The following SMAD2 variants were observed in gnomAD, a reference collection of about 807,000 sequenced individuals.
The protein encoded by SMAD2 is SMAD family member 2.
In SMAD2, 8 loss-of-function variants were observed where a neutral mutation model predicts 64.4. The observed-to-expected ratio is 0.12, with a 90% CI of 0.07 to 0.22. The LOEUF (loss-of-function observed/expected upper bound fraction) is 0.22, where lower values mean the gene tolerates loss of function less well. SMAD2 is among the 10% of genes least tolerant of loss of function. SMAD2 has a pLI of 1.00. For missense variants in SMAD2, 289 were observed against 561.2 expected, an observed-to-expected ratio of 0.51 and a Z score of 4.90; for synonymous variants, 203 against 195.8, an observed-to-expected ratio of 1.04 and a Z score of -0.31.
chr18:47,874,734 G>A (rs1657649639), intron 2 of SMAD2, among the ~76,000 whole-genome samples: 1 of 152,098 alleles, frequency 6.6e-6, no homozygotes, highest in South Asian at 2.1e-4. Flanking sequence ...ACTAATATAT[G>A]CATAAAGACA....
Position 47,896,586 on chromosome 18 carries a change from T to C in SMAD2, c.171A>G (p.Arg57=). 2 of 1,614,174 alleles carry C rather than the reference T, an allele frequency of 1.2e-6. No homozygotes were observed. Among genetic ancestry groups the C allele is most frequent in the Non-Finnish European group, 1.7e-6 (2 of 1,180,024 alleles). ...SLVKKLKKTG[R]LDELEKAITT... is the part of the protein sequence containing the mutation. The stretch of plus-strand genomic sequence containing the variant: ...TGATGGCTTTCTCAAGCTCATCTAA[T>C]CGTCCTGTTTTCTTTAGCTTCTTCA... The change falls in exon 2 of 11, where the codon CGA becomes CGG. Residue 57 remains arginine (R), a synonymous_variant. Coordinates refer to ENST00000262160, the MANE Select transcript of SMAD2 (RefSeq NM_005901.6).
In SMAD2 at chr18:47,832,665, T is replaced by C. The variant is rs1598728030; in HGVS notation, c.*9162A>G. ...TTCATACTGATTATATGAGATTATA[T>C]CTTATCTAGTATTTTTCAATGGAGC... is the stretch of plus-strand genomic sequence containing the variant. On this transcript the variant is annotated 3_prime_UTR_variant, in exon 11 of 11. Transcript: ENST00000262160. The C allele has an allele frequency of 6.6e-6, 1 of 152,146 alleles. No individual in the cohort carries two copies. Among genetic ancestry groups the C allele is most frequent in the East Asian group, 1.9e-4 (1 of 5,194 alleles). The allele number at this position is 152,146 out of a possible 1,614,324, so 9.4% of individuals were successfully genotyped here.
At chr18:47,869,551 TTTAG>T (rs1278174524) in intron 3 of SMAD2, 115 bp from the exon 4 acceptor site, 8 of 732,388 alleles carry the variant, frequency 1.1e-5, no homozygotes, top group Admixed American at 5.1e-5. Flanking sequence ...ATGACAGCCA[TTTAG>T]TTAGTTTTAG....
At position 47,815,485 on chromosome 18, in the gene SMAD2, C is replaced by T. The variant is rs1204601159; in HGVS notation, c.*26342G>A. On this transcript the variant is annotated 3_prime_UTR_variant, in exon 11 of 11. Transcript: ENST00000262160. ...TCTGAAAATGCAGATCCCAGTGCTC[C>T]AATTCCAGACCTGCTAAAGCAGAAT... The T allele has an allele frequency of 1.3e-5, 2 of 152,202 alleles. No homozygotes were observed. The highest frequency in any genetic ancestry group is 2.9e-5 in the Non-Finnish European group (2 of 68,040). 9.4% of individuals were successfully genotyped at this position (152,202 alleles called of 1,614,324 possible).
chr18:47,891,922 G>A lies in SMAD2; in HGVS notation c.236+4599C>T, dbSNP rs184821733. Among the ~76,000 whole-genome samples, 94 of 151,878 alleles carry A rather than the reference G, an allele frequency of 6.2e-4. 1 individual carries two copies. In the Middle Eastern group the frequency reaches 0.021, roughly 33 times the overall value. ...TATAAATACTAGAAAAAAAAATACA[G>A]GACTTTTCTGGGTCACCCATACTCA... is the stretch of plus-strand genomic sequence containing the variant. On this transcript the variant is annotated intron_variant, in intron 2 of 10. Coordinates refer to ENST00000262160, the MANE Select transcript of SMAD2 (RefSeq NM_005901.6).
intron 2 of SMAD2, among the ~76,000 whole-genome samples, chr18:47,882,040 G>GGTTTTTTTTTTTTT (rs1568078973): frequency 2.7e-5 from 1 of 37,326 alleles, no homozygotes; most frequent in South Asian, 1.1e-3. Context: ...ACCACGCTTG[G>GGTTTTTTTTTTTTT]CTTTTTTTTT....
At position 47,812,738 on chromosome 18, in the gene SMAD2, T is replaced by C. The variant is rs1052570502; in HGVS notation, c.*29089A>G. Reference sequence around the variant, plus strand: ...TGGTAATCAAATCTAAAGCACATTTTATAGCACACACACTCGCTATTCCAA... The same window carrying C: ...TGGTAATCAAATCTAAAGCACATTTCATAGCACACACACTCGCTATTCCAA... On this transcript the variant is annotated 3_prime_UTR_variant, in exon 11 of 11. Coordinates refer to ENST00000262160, the MANE Select transcript of SMAD2 (RefSeq NM_005901.6). The C allele has an allele frequency of 2.0e-5, 3 of 152,154 alleles. No individual in the cohort carries two copies. Among genetic ancestry groups the C allele is most frequent in the African/African-American group, 7.2e-5 (3 of 41,420 alleles). The allele number at this position is 152,154 out of a possible 1,614,324, so 9.4% of individuals were successfully genotyped here.
At position 47,850,666 on chromosome 18, in the gene SMAD2, TA is replaced by T. The variant is rs1213115389; in HGVS notation, c.784+607del. ...ATTATGTATAATATATATTATATAC[TA>T]TATATATATTATATATATAATGTAT... On this transcript the variant is annotated intron_variant, in intron 7 of 10. Coordinates refer to ENST00000262160, the MANE Select transcript of SMAD2 (RefSeq NM_005901.6). 1.2e-3 allele frequency among the ~76,000 whole-genome samples: 18 copies of T among 15,448 alleles called. 1 individual carries two copies. Among genetic ancestry groups the T allele is most frequent in the African/African-American group, 2.8e-3 (9 of 3,174 alleles). The allele number at this position is 15,448 out of a possible 152,430, so 10.1% of individuals were successfully genotyped here.
intron 2 of SMAD2, among the ~76,000 whole-genome samples, chr18:47,896,027 G>A (rs544817965): frequency 1.3e-5 from 2 of 152,296 alleles, no homozygotes; most frequent in African/African-American, 2.4e-5. Flanking sequence ...TAAGAGGCAG[G>A]TCTTTAAGAC....
Position 47,810,331 on chromosome 18 carries a change from C to G in SMAD2, c.*31496G>C, listed in dbSNP as rs1912162537. ...CACCTCTTCCCTACCACTTACCTCT[C>G]TCCCTCCTCCCACTGCACACTCACC... is the stretch of plus-strand genomic sequence containing the variant. On this transcript the variant is annotated 3_prime_UTR_variant, in exon 11 of 11. Transcript: ENST00000262160. 1 of 152,742 alleles carries G rather than the reference C, an allele frequency of 6.5e-6. No individual in the cohort carries two copies. Among genetic ancestry groups the G allele is most frequent in the African/African-American group, 2.4e-5 (1 of 41,416 alleles). The allele number at this position is 152,742 out of a possible 1,614,324, so 9.5% of individuals were successfully genotyped here.
At chr18:47,915,929 C>G (rs976709432) in intron 1 of SMAD2, among the ~76,000 whole-genome samples, 6 of 152,114 alleles carry the variant, frequency 3.9e-5, no homozygotes, top group Non-Finnish European at 7.4e-5. Context: ...TTTTAACACC[C>G]TTTTGAAAGT....
chr18:47,850,066 C>T lies in SMAD2; in HGVS notation c.784+1208G>A, dbSNP rs1321996712. On this transcript the variant is annotated intron_variant, in intron 7 of 10. Transcript: ENST00000262160. ...GTTTTTACTGTCGTATTGTTATTTT[C>T]ATTTTTTCCCGATTATTTTCAATCT... Among the ~76,000 whole-genome samples the T allele has an allele frequency of 2.0e-5, 3 of 146,668 alleles. No homozygotes were observed. In the Admixed American group the frequency reaches 2.1e-4, roughly 10 times the overall value.
intron 1 of SMAD2, among the ~76,000 whole-genome samples, chr18:47,925,241 T>C (rs2034718189): frequency 6.6e-6 from 1 of 152,248 alleles, no homozygotes; most frequent in South Asian, 2.1e-4. Flanking sequence ...CTACCTAGGA[T>C]AATTAGTGAC....
chr18:47,891,376 T>G lies in SMAD2; in HGVS notation c.236+5145A>C, dbSNP rs925801652. Among the ~76,000 whole-genome samples, 5 of 152,108 alleles carry G rather than the reference T, an allele frequency of 3.3e-5. No homozygotes were observed. The East Asian group carries it at 9.7e-4, about 29-fold the overall frequency. On this transcript the variant is annotated intron_variant, in intron 2 of 10. Transcript: ENST00000262160. ...AAAAGAAACATCCTGGAAGGACACATGAGGAACTAGTAATACAACGTTCAC... is the reference window on the plus strand; with the variant it reads ...AAAAGAAACATCCTGGAAGGACACAGGAGGAACTAGTAATACAACGTTCAC...
chr18:47,866,772 C>G (rs554925761), intron 5 of SMAD2: 2 of 152,084 alleles, frequency 1.3e-5, no homozygotes, highest in African/African-American at 4.8e-5. Context: ...TGCTTGAAAC[C>G]GGATAAAGCC....
In SMAD2 at chr18:47,813,711, A is replaced by ATTTTTTTTTTTTTTTTTTTT. The variant is rs11349317; in HGVS notation, c.*28096_*28115dup. ...ATGAGCCACTGTACCCGGCCCCACAATTTTTTTTTTTTTTTTTTTTTGGAG... is the reference window on the plus strand; with the variant it reads ...ATGAGCCACTGTACCCGGCCCCACAATTTTTTTTTTTTTTTTTTTTTTTTTTTTTTTTTTTTTTTTTGGAG... On this transcript the variant is annotated 3_prime_UTR_variant, in exon 11 of 11. Coordinates refer to ENST00000262160, the MANE Select transcript of SMAD2 (RefSeq NM_005901.6). The ATTTTTTTTTTTTTTTTTTTT allele has an allele frequency of 1.1e-4, 9 of 84,580 alleles. No homozygotes were observed. The highest frequency in any genetic ancestry group is 1.8e-4 in the Admixed American group (1 of 5,694). 5.2% of individuals were successfully genotyped at this position (84,580 alleles called of 1,614,324 possible). A position where few individuals can be genotyped will look rare whatever the true frequency, so the allele number is the denominator to read the frequency against.
At chr18:47,846,306 T>C (rs934832793) in intron 8 of SMAD2, among the ~76,000 whole-genome samples, 1 of 152,104 alleles carries the variant, frequency 6.6e-6, no homozygotes, top group Non-Finnish European at 1.5e-5. Context: ...AAAATTCTAC[T>C]GGGAGATTTT....
At chr18:47,902,451 A>C (rs1232335662) in intron 1 of SMAD2, among the ~76,000 whole-genome samples, 1 of 152,176 alleles carries the variant, frequency 6.6e-6, no homozygotes, top group South Asian at 2.1e-4. Flanking sequence ...GAGTTGAAAT[A>C]ATTTGTTGAT....
intron 10 of SMAD2, among the ~76,000 whole-genome samples, chr18:47,842,251 T>A (rs1437112372): frequency 6.6e-6 from 1 of 152,138 alleles, no homozygotes; most frequent in Non-Finnish European, 1.5e-5. Context: ...ACTATTAATA[T>A]CAGGCCAGGG....
Sources: gnomAD v4.1 joint callset for allele counts (sites outside exome capture counted in the v4.1 genomes callset) on GRCh38, gnomAD v4.1.1 for gene constraint, MANE v1.5 for transcripts, NCBI Gene and HGNC (gene_info 2026-07-23, HGNC 2026-07-21) for gene names.